OSBP2: variants seen among roughly 807,000 people sequenced by gnomAD.
OSBP2 encodes oxysterol-binding protein 2.
In OSBP2, 66 loss-of-function variants were observed where a neutral mutation model predicts 96.0. The ratio of observed to expected loss-of-function variants is 0.69; its 90% CI spans 0.56 to 0.84. The LOEUF (loss-of-function observed/expected upper bound fraction) is 0.84, where lower values mean the gene tolerates loss of function less well. OSBP2 is among the 40% of genes least tolerant of loss of function. The probability of loss-of-function intolerance (pLI) is 0.00; values close to 1 mark genes in which losing one functional copy is unlikely to be tolerated. For missense variants in OSBP2, 1,038 were observed against 1,222.7 expected, an observed-to-expected ratio of 0.85 and a Z score of 2.25; for synonymous variants, 525 against 520.9, an observed-to-expected ratio of 1.01 and a Z score of -0.11.
chr22:30,849,103 CA>C (rs1471766740), intron 2 of OSBP2, among the ~76,000 whole-genome samples: 2 of 150,196 alleles, frequency 1.3e-5, no homozygotes, highest in Admixed American at 6.6e-5. Context: ...CCCATCTCTA[CA>C]AAAAAATTTA....
intron 2 of OSBP2, among the ~76,000 whole-genome samples, chr22:30,797,408 G>A (rs571996789): frequency 3.8e-4 from 58 of 151,692 alleles, no homozygotes; most frequent in African/African-American, 1.1e-3. Context: ...TCAGCCTCTC[G>A]AGTAGCTGGG....
At chr22:30,901,267 C>T (rs894453988) in intron 12 of OSBP2, among the ~76,000 whole-genome samples, 3 of 152,068 alleles carry the variant, frequency 2.0e-5, no homozygotes, top group Admixed American at 2.0e-4. Flanking sequence ...TGGAGTTTTG[C>T]CATGTTGGCC....
At chr22:30,717,446 G>A (rs7285562) in intron 1 of OSBP2, among the ~76,000 whole-genome samples, 41,640 of 151,966 alleles carry the variant, frequency 0.27, 6,346 homozygotes, top group Middle Eastern at 0.39. Context: ...TTTGAAAAAC[G>A]CCTACACTAA....
At chr22:30,855,017 GA>G (rs1194399026) in intron 2 of OSBP2, among the ~76,000 whole-genome samples, 2 of 152,110 alleles carry the variant, frequency 1.3e-5, no homozygotes, top group African/African-American at 4.8e-5. Context: ...ACTGTCACAA[GA>G]ACAGTATGGG....
At chr22:30,892,093 C>CA (rs2039961776) in intron 8 of OSBP2, among the ~76,000 whole-genome samples, 1 of 152,040 alleles carries the variant, frequency 6.6e-6, no homozygotes, top group South Asian at 2.1e-4. Context: ...GGGAGTGGCC[C>CA]ACAGGGAAGC....
Position 30,736,640 on chromosome 22 carries a change from C to T in OSBP2, c.645-4521C>T, listed in dbSNP as rs950253863. Among the ~76,000 whole-genome samples the T allele has an allele frequency of 1.8e-4, 28 of 152,230 alleles. 1 individual carries two copies. The highest frequency in any genetic ancestry group is 6.8e-4 in the African/African-American group (28 of 41,474). The stretch of plus-strand genomic sequence containing the variant: ...ATAGTGCAGACAATTCCTATATACT[C>T]TTTGCTTAGCTCCCCTTAGTGTTAA... On this transcript the variant is annotated intron_variant, in intron 1 of 13. Transcript: ENST00000332585.
At chr22:30,859,998 G>A (rs1013322282) in intron 2 of OSBP2, among the ~76,000 whole-genome samples, 26 of 152,186 alleles carry the variant, frequency 1.7e-4, no homozygotes, top group African/African-American at 5.8e-4. Flanking sequence ...TGGAGCAAGG[G>A]ATGGAGCTGG....
intron 3 of OSBP2, among the ~76,000 whole-genome samples, chr22:30,883,159 G>A (rs1213212313): frequency 1.3e-5 from 2 of 152,218 alleles, no homozygotes; most frequent in African/African-American, 2.4e-5. Flanking sequence ...TGTGCAGCCA[G>A]ATAGGCAAGA....
chr22:30,906,607 A>T lies in OSBP2; in HGVS notation c.*268A>T, dbSNP rs1057039935. The T allele has an allele frequency of 2.0e-5, 7 of 342,298 alleles. No individual in the cohort carries two copies. Among genetic ancestry groups the T allele is most frequent in the Non-Finnish European group, 3.7e-5 (7 of 191,458 alleles). The allele number at this position is 342,298 out of a possible 1,614,324, so 21.2% of individuals were successfully genotyped here. ...TGGGCCCTACCGGAACCCCTGCCCC[A>T]GTTACCACAACTCAGGCCGGCTGGC... On this transcript the variant is annotated 3_prime_UTR_variant, in exon 14 of 14. Transcript: ENST00000332585.
At chr22:30,791,773 G>C (rs2090679616) in intron 2 of OSBP2, among the ~76,000 whole-genome samples, 1 of 152,152 alleles carries the variant, frequency 6.6e-6, no homozygotes, top group Non-Finnish European at 1.5e-5. Context: ...GCTAGGAAGA[G>C]CTGCAAGATA....
chr22:30,771,646 G>C (rs1184296279), intron 2 of OSBP2, among the ~76,000 whole-genome samples: 1 of 152,234 alleles, frequency 6.6e-6, no homozygotes, highest in Non-Finnish European at 1.5e-5. Flanking sequence ...TGTCAGCCTA[G>C]GTTGCTTCCC....
chr22:30,842,000 C>T (rs1209044148), intron 2 of OSBP2, among the ~76,000 whole-genome samples: 1 of 151,858 alleles, frequency 6.6e-6, no homozygotes, highest in Non-Finnish European at 1.5e-5. Flanking sequence ...GGCTGGAGTG[C>T]AGTGGAGAGG....
intron 12 of OSBP2, among the ~76,000 whole-genome samples, chr22:30,894,910 C>T (rs977898958): frequency 6.6e-6 from 1 of 152,152 alleles, no homozygotes; most frequent in African/African-American, 2.4e-5. Context: ...GAAATCAAGG[C>T]ATTTTCAGGC....
chr22:30,801,554 A>T (rs1452633874), intron 2 of OSBP2, among the ~76,000 whole-genome samples: 5 of 152,230 alleles, frequency 3.3e-5, no homozygotes, highest in African/African-American at 1.2e-4. Flanking sequence ...AGCAATTATT[A>T]ACCTCAACTT....
intron 2 of OSBP2, among the ~76,000 whole-genome samples, chr22:30,771,831 G>A (rs1295774049): frequency 6.6e-6 from 1 of 152,200 alleles, no homozygotes; most frequent in Non-Finnish European, 1.5e-5. Context: ...TCAGGCTGTG[G>A]CAAGAGGCAG....
chr22:30,888,057 G>C (rs1486657890), intron 4 of OSBP2, among the ~76,000 whole-genome samples, 166 bp from the exon 5 acceptor site: 1 of 152,208 alleles, frequency 6.6e-6, no homozygotes, highest in African/African-American at 2.4e-5. Flanking sequence ...TTCTAGCAGA[G>C]GGAGCAAGGG....
intron 2 of OSBP2, among the ~76,000 whole-genome samples, chr22:30,793,391 T>A (rs563039738): frequency 6.6e-6 from 1 of 152,044 alleles, no homozygotes; most frequent in South Asian, 2.1e-4. Context: ...TAGGTCTGGG[T>A]ACACTGGTTC....
intron 2 of OSBP2, chr22:30,822,378 C>T (rs58902211): frequency 0.015 from 9,367 of 618,520 alleles, 614 homozygotes; most frequent in African/African-American, 0.15. Flanking sequence ...GGCCGCGCTC[C>T]TGGGGCGGGA....
chr22:30,872,267 G>A (rs1437863889), intron 3 of OSBP2: 1 of 456,534 alleles, frequency 2.2e-6, no homozygotes, highest in Non-Finnish European at 4.4e-6. Context: ...GTGAAGCACT[G>A]AATGACATAA....
Sources: allele counts gnomAD v4.1 joint callset (sites outside exome capture counted in the v4.1 genomes callset), GRCh38; gene constraint gnomAD v4.1.1; transcripts MANE v1.5; gene names NCBI Gene and HGNC (gene_info 2026-07-23, HGNC 2026-07-21).